Variants in KCNH7 observed in about 807,000 individuals in gnomAD.
KCNH7 encodes the protein voltage-gated inwardly rectifying potassium channel KCNH7.
KCNH7 carries 49 observed loss-of-function variants against 120.8 expected under a neutral mutation model. The observed-to-expected ratio is 0.41, with a 90% CI of 0.32 to 0.51. The LOEUF (loss-of-function observed/expected upper bound fraction) is 0.51, where lower values mean the gene tolerates loss of function less well. KCNH7 is among the 20% of genes least tolerant of loss of function. The pLI, the probability that KCNH7 is intolerant of heterozygous loss-of-function variation, is 0.38. For synonymous variants in KCNH7, 547 were observed against 516.1 expected (o/e 1.06, Z -0.81); for missense variants, 1,097 against 1,446.6 (o/e 0.76, Z 3.92).
intron 2 of KCNH7, among the ~76,000 whole-genome samples, chr2:162,759,246 G>A (rs188694517): frequency 7.9e-5 from 12 of 152,230 alleles, no homozygotes. Context: ...AGTCAGAGGA[G>A]TAAATTGGAT....
chr2:162,788,988 TAAAA>T (rs61348204), intron 2 of KCNH7, among the ~76,000 whole-genome samples: 137 of 105,138 alleles, frequency 1.3e-3, no homozygotes, highest in African/African-American at 4.4e-3. Flanking sequence ...AGGTACTGGT[TAAAA>T]AAAAAAAAAA....
Position 162,429,383 on chromosome 2 carries a change from C to CTTTTTTTTTTTTTTTT in KCNH7, c.1954+5799_1954+5814dup, listed in dbSNP as rs60854157. 4.9e-4 allele frequency among the ~76,000 whole-genome samples: 42 copies of CTTTTTTTTTTTTTTTT among 86,244 alleles called. 8 individuals are homozygous for CTTTTTTTTTTTTTTTT. Among genetic ancestry groups the CTTTTTTTTTTTTTTTT allele is most frequent in the African/African-American group, 2.3e-3 (36 of 15,978 alleles). The allele number at this position is 86,244 out of a possible 152,430, so 56.6% of individuals were successfully genotyped here. A position where few individuals can be genotyped will look rare whatever the true frequency, so the allele number is the denominator to read the frequency against. On this transcript the variant is annotated intron_variant, in intron 8 of 15. Transcript: ENST00000332142. The stretch of plus-strand genomic sequence containing the variant: ...AGACATTTAGAAATGAGGAAAAAGT[C>CTTTTTTTTTTTTTTTT]TTTTTTTTTTTTTTTTTTTTTTACT...
intron 2 of KCNH7, among the ~76,000 whole-genome samples, chr2:162,725,608 C>A (rs774001043): frequency 1.3e-5 from 2 of 152,128 alleles, no homozygotes; most frequent in Non-Finnish European, 1.5e-5. Flanking sequence ...TATTCATGAA[C>A]AAGACCATCA....
Position 162,787,135 on chromosome 2 carries a change from C to T in KCNH7, c.307+49402G>A, listed in dbSNP as rs75908576. On this transcript the variant is annotated intron_variant, in intron 2 of 15. Coordinates refer to ENST00000332142, the MANE Select transcript of KCNH7 (RefSeq NM_033272.4). ...GGCCCTGCAGACCCAAGCAGTAGGC[C>T]TGCCCTAGTTTCAAGCTGGCCTGGG... is the stretch of plus-strand genomic sequence containing the variant. Among the ~76,000 whole-genome samples the T allele has an allele frequency of 5.5e-3, 830 of 152,068 alleles. 2 individuals carry two copies. The highest frequency in any genetic ancestry group is 8.8e-3 in the Non-Finnish European group (599 of 67,956).
At chr2:162,776,571 G>A (rs777250356) in intron 2 of KCNH7, among the ~76,000 whole-genome samples, 15 of 152,042 alleles carry the variant, frequency 9.9e-5, no homozygotes, top group Non-Finnish European at 1.3e-4. Context: ...AGGAGAAAGA[G>A]GAGCTATTAA....
intron 2 of KCNH7, among the ~76,000 whole-genome samples, chr2:162,787,936 T>A (rs941846059): frequency 6.6e-6 from 1 of 152,350 alleles, no homozygotes; most frequent in South Asian, 2.1e-4. Flanking sequence ...TATCTGCAGA[T>A]ACTTCAGCCT....
At chr2:162,777,220 C>G (rs953389353) in intron 2 of KCNH7, among the ~76,000 whole-genome samples, 1 of 152,026 alleles carries the variant, frequency 6.6e-6, no homozygotes, top group African/African-American at 2.4e-5. Flanking sequence ...AACCAAAATC[C>G]AAGCATACTC....
At chr2:162,417,229 A>C (rs1687568334) in intron 9 of KCNH7, among the ~76,000 whole-genome samples, 1 of 152,188 alleles carries the variant, frequency 6.6e-6, no homozygotes, top group Non-Finnish European at 1.5e-5. Flanking sequence ...GGTTTAAGAA[A>C]TGCTGAGTTA....
chr2:162,644,179 CTG>C (rs1684270051), intron 2 of KCNH7, among the ~76,000 whole-genome samples: 1 of 152,120 alleles, frequency 6.6e-6, no homozygotes, highest in South Asian at 2.1e-4. Flanking sequence ...TGCGCTGTAT[CTG>C]TGCTATTTAC....
intron 2 of KCNH7, among the ~76,000 whole-genome samples, chr2:162,613,424 C>A (rs903413247): frequency 1.3e-5 from 2 of 151,700 alleles, no homozygotes; most frequent in African/African-American, 4.8e-5. Context: ...TTAACAAATC[C>A]TCAGGCAAAT....
chr2:162,695,656 G>C (rs746210344), intron 2 of KCNH7, among the ~76,000 whole-genome samples: 1 of 152,078 alleles, frequency 6.6e-6, no homozygotes, highest in Non-Finnish European at 1.5e-5. Flanking sequence ...GGTTTTGCCT[G>C]GTATAATGGT....
At chr2:162,484,819 G>A (rs1379740048) in intron 6 of KCNH7, among the ~76,000 whole-genome samples, 1 of 152,108 alleles carries the variant, frequency 6.6e-6, no homozygotes, top group Non-Finnish European at 1.5e-5. Context: ...TGTCTCTGTT[G>A]CTTCCTCTCT....
intron 2 of KCNH7, among the ~76,000 whole-genome samples, chr2:162,776,541 A>C (rs73014157): frequency 0.034 from 5,123 of 152,162 alleles, 279 homozygotes; most frequent in African/African-American, 0.12. Context: ...AGGACAAGAG[A>C]AAGAAAGAGA....
chr2:162,577,291 G>GTCTGTCTATCTA (rs375524449), intron 2 of KCNH7, among the ~76,000 whole-genome samples: 7 of 127,338 alleles, frequency 5.5e-5, no homozygotes, highest in East Asian at 2.2e-4. Flanking sequence ...AGATCTATCT[G>GTCTGTCTATCTA]TCTATCTATC....
chr2:162,797,921 G>A (rs1458033391), intron 2 of KCNH7: 1 of 152,024 alleles, frequency 6.6e-6, no homozygotes, highest in East Asian at 1.9e-4. Context: ...TTTGAGTTGT[G>A]CGTATGCTTA....
chr2:162,794,651 A>G (rs1684073568), intron 2 of KCNH7, among the ~76,000 whole-genome samples: 1 of 152,070 alleles, frequency 6.6e-6, no homozygotes, highest in Non-Finnish European at 1.5e-5. Flanking sequence ...TATTGCTCAT[A>G]TAGTAAAAGA....
intron 2 of KCNH7, among the ~76,000 whole-genome samples, chr2:162,581,735 T>C (rs1693871791): frequency 6.6e-6 from 1 of 152,084 alleles, no homozygotes; most frequent in Non-Finnish European, 1.5e-5. Flanking sequence ...TTGCACTTAT[T>C]GGGAAAAATG....
chr2:162,384,484 A>G (rs900668648), intron 13 of KCNH7, among the ~76,000 whole-genome samples: 3 of 151,978 alleles, frequency 2.0e-5, no homozygotes, highest in Non-Finnish European at 2.9e-5. Context: ...CTCTCACTCT[A>G]TAAGTGTTTG....
chr2:162,537,842 G>A (rs535786353), intron 2 of KCNH7, among the ~76,000 whole-genome samples: 197 of 152,106 alleles, frequency 1.3e-3, no homozygotes, highest in African/African-American at 4.7e-3. Flanking sequence ...ACTACCATCC[G>A]TCTTCCAACA....
Sources: gnomAD v4.1 joint callset for allele counts (sites outside exome capture counted in the v4.1 genomes callset) on GRCh38, gnomAD v4.1.1 for gene constraint, MANE v1.5 for transcripts, NCBI Gene and HGNC (gene_info 2026-07-23, HGNC 2026-07-21) for gene names.